Variants in NEFH observed in about 807,000 individuals in gnomAD.
NEFH encodes the protein neurofilament heavy chain.
A neutral mutation model predicts 56.6 loss-of-function variants in NEFH; 58 were observed. That is an observed-to-expected ratio of 1.03 (90% CI 0.83 to 1.28). The LOEUF is 1.28. Among genes scored for constraint, NEFH ranks in the 50% most tolerant of loss-of-function variants. The pLI is 0.00. For missense variants in NEFH, 1,221 were observed against 1,307.6 expected (o/e 0.93, Z 1.02); for synonymous variants, 542 against 545.8 (o/e 0.99, Z 0.10).
chr22:29,487,969 A>C (rs80091782), intron 3 of NEFH, among the ~76,000 whole-genome samples: 378 of 152,274 alleles, frequency 2.5e-3, no homozygotes, highest in African/African-American at 8.8e-3. Flanking sequence ...TGCGGCCTCT[A>C]CCCTATTCCT....
Position 29,490,383 on chromosome 22 carries a change from G to A in NEFH, c.2743G>A (p.Glu915Lys). The A allele has an allele frequency of 6.2e-7, 1 of 1,613,246 alleles. No individual in the cohort carries two copies. The highest frequency in any genetic ancestry group is 1.1e-5 in the South Asian group (1 of 91,004). ...AGAGAAGGAGGCTCCTGCCAAGGTGGAGGTGAAGGAAGACGCTAAACCCAA... is the reference window on the plus strand; with the variant it reads ...AGAGAAGGAGGCTCCTGCCAAGGTGAAGGTGAAGGAAGACGCTAAACCCAA... Reference protein sequence around the residue: ...TPEKEAPAKVEVKEDAKPKEK... With the variant: ...TPEKEAPAKVKVKEDAKPKEK... Residue 915 changes from glutamate (E) to lysine (K), a missense_variant, in exon 4 of 4, where the codon GAG becomes AAG. Transcript: ENST00000310624.
chr22:29,480,286 C>T lies in NEFH; in HGVS notation c.24C>T (p.Asp8=), dbSNP rs2062994799. Residue 8 remains aspartate, a synonymous_variant, in exon 1 of 4, where the codon GAC becomes GAT. Transcript: ENST00000310624. ...CCATGATGAGCTTCGGCGGCGCGGA[C>T]GCGCTGCTGGGCGCCCCGTTCGCGC... is the stretch of plus-strand genomic sequence containing the variant. MMSFGGA[D]ALLGAPFAPL... is the part of the protein sequence containing the mutation. 4 of 1,509,298 alleles carry T rather than the reference C, an allele frequency of 2.7e-6. No homozygotes were observed. The highest frequency in any genetic ancestry group is 3.5e-6 in the Non-Finnish European group (4 of 1,137,870). The allele number at this position is 1,509,298 out of a possible 1,614,324, so 93.5% of individuals were successfully genotyped here.
intron 3 of NEFH, among the ~76,000 whole-genome samples, chr22:29,488,476 T>C (rs1039542635): frequency 3.3e-5 from 5 of 152,318 alleles, no homozygotes; most frequent in Non-Finnish European, 5.9e-5. Context: ...ATTTAACTTT[T>C]GTTAAATTTA....
intron 2 of NEFH, among the ~76,000 whole-genome samples, chr22:29,483,901 GTGCAGTGGCATGATCTCAGCTCAC>G (rs2063028739): frequency 6.6e-6 from 1 of 151,156 alleles, no homozygotes; most frequent in Admixed American, 6.6e-5. Context: ...CCAGGCTGGA[GTGCAGTGGCATGATCTCAGCTCAC>G]TGCAACCTCT....
chr22:29,490,997 GC>G lies in NEFH; in HGVS notation c.*300del, dbSNP rs1198904380. 5.6e-5 allele frequency: 28 copies of G among 499,222 alleles called. 1 individual carries two copies. Among genetic ancestry groups the G allele is most frequent in the South Asian group, 5.6e-4 (27 of 48,280 alleles). The allele number at this position is 499,222 out of a possible 1,614,324, so 30.9% of individuals were successfully genotyped here. A position where few individuals can be genotyped will look rare whatever the true frequency, so the allele number is the denominator to read the frequency against. On this transcript the variant is annotated 3_prime_UTR_variant, in exon 4 of 4. Coordinates refer to ENST00000310624, the MANE Select transcript of NEFH (RefSeq NM_021076.4). ...ACGTAAACACTTGACTATAAAAACT[GC>G]CCCCCTCCTTTCCAAATAAGTGCAT...
chr22:29,481,198 A>G, intron 1 of NEFH, 53 bp downstream of exon 1: 4 of 1,512,450 alleles, frequency 2.6e-6, no homozygotes, highest in Non-Finnish European at 3.5e-6. Context: ...CCCGCAGCGA[A>G]CTTTTGGGCT....
At chr22:29,485,198 G>T (rs182005210) in intron 2 of NEFH, among the ~76,000 whole-genome samples, 6 of 152,234 alleles carry the variant, frequency 3.9e-5, no homozygotes, top group Admixed American at 2.0e-4. Context: ...CGACTCCTGG[G>T]TTCAAGCAAT....
Position 29,480,613 on chromosome 22 carries a change from G to T in NEFH, c.351G>T (p.Gln117His). The change falls in exon 1 of 4, where the codon CAG becomes CAT. Residue 117 changes from glutamine (Q) to histidine (H), a missense_variant. Around this residue, in one of 4 missense-constraint regions of NEFH, gnomAD observed 640 missense variants for 555.5 expected, o/e 1.15. Coordinates refer to ENST00000310624, the MANE Select transcript of NEFH (RefSeq NM_021076.4). ...CCGGGTACATCGACAAGGTGCGGCA[G>T]CTGGAGGCGCACAACCGCAGCCTGG... ...RFAGYIDKVR[Q>H]LEAHNRSLEG... 1.3e-6 allele frequency: 2 copies of T among 1,563,900 alleles called. No individual in the cohort carries two copies. Among genetic ancestry groups the T allele is most frequent in the South Asian group, 1.2e-5 (1 of 86,300 alleles).
Position 29,483,447 on chromosome 22 carries a change from C to T in NEFH, c.956C>T (p.Thr319Ile). 6.2e-7 allele frequency: 1 copy of T among 1,614,042 alleles called. No individual in the cohort carries two copies. Among genetic ancestry groups the T allele is most frequent in the Non-Finnish European group, 8.5e-7 (1 of 1,180,036 alleles). The stretch of plus-strand genomic sequence containing the variant: ...ATGCGCTCAGCGCAGGAGGAGATAA[C>T]TGAGTACCGGCGTCAGCTGCAGGCC... ...DAMRSAQEEI[T>I]EYRRQLQART... Residue 319 changes from threonine (T) to isoleucine (I), a missense_variant, in exon 2 of 4, where the codon ACT becomes ATT. Transcript: ENST00000310624.
intron 3 of NEFH, among the ~76,000 whole-genome samples, chr22:29,487,256 T>C (rs2063049801): frequency 6.6e-6 from 1 of 152,158 alleles, no homozygotes; most frequent in South Asian, 2.1e-4. Flanking sequence ...TTCCTACCTC[T>C]TGGCTCTCGT....
In NEFH at chr22:29,485,712, C is replaced by T; in HGVS notation, c.1084-11C>T. On this transcript the variant is annotated splice_polypyrimidine_tract_variant and intron_variant, in intron 2 of 3. Coordinates refer to ENST00000310624, the MANE Select transcript of NEFH (RefSeq NM_021076.4). ...GGCTGGCATGTGATGTGTGTCACCT[C>T]TCCTTCCCAGGAAGCCATTCAGCAG... 1 of 1,613,276 alleles carries T rather than the reference C, an allele frequency of 6.2e-7. No individual in the cohort carries two copies. The highest frequency in any genetic ancestry group is 8.5e-7 in the Non-Finnish European group (1 of 1,179,642).
chr22:29,485,627 G>A (rs1321385384), intron 2 of NEFH, 96 bp from the exon 3 acceptor site: 4 of 1,486,650 alleles, frequency 2.7e-6, no homozygotes, highest in Non-Finnish European at 3.6e-6. Context: ...CTGGCTGGAT[G>A]GGCCTGCTCT....
chr22:29,490,740 A>G lies in NEFH; in HGVS notation c.*37A>G. 3 of 1,613,260 alleles carry G rather than the reference A, an allele frequency of 1.9e-6. No individual in the cohort carries two copies. The highest frequency in any genetic ancestry group is 2.5e-6 in the Non-Finnish European group (3 of 1,179,808). ...AGGAACATCCGGAACAGCCAAAGAA[A>G]CTCAGAAGAGTCCCGGAGCTCAAGG... On this transcript the variant is annotated 3_prime_UTR_variant, in exon 4 of 4. Transcript: ENST00000310624.
At position 29,483,319 on chromosome 22, in the gene NEFH, C is replaced by T. The variant is rs1019810165; in HGVS notation, c.884-56C>T. 37 of 1,479,962 alleles carry T rather than the reference C, an allele frequency of 2.5e-5. 1 individual carries two copies. In the Middle Eastern group the frequency reaches 6.9e-4, roughly 28 times the overall value. The allele number at this position is 1,479,962 out of a possible 1,614,324, so 91.7% of individuals were successfully genotyped here. On this transcript the variant is annotated intron_variant, in intron 1 of 3. Coordinates refer to ENST00000310624, the MANE Select transcript of NEFH (RefSeq NM_021076.4). ...AAAAGAACAAAGAAAAAAATCTGGG[C>T]ATTAGAACCCAGTCCAGGTGTGTCT... is the stretch of plus-strand genomic sequence containing the variant.
At position 29,489,199 on chromosome 22, in the gene NEFH, T is replaced by G; in HGVS notation, c.1559T>G (p.Val520Gly). The change falls in exon 4 of 4, where the codon GTA becomes GGA. Residue 520 changes from valine (V) to glycine (G), a missense_variant. Val to Gly is a moderately radical substitution (Grantham distance 109, BLOSUM62 -3). This residue lies in a region of NEFH where 243 missense variants were observed against 299.1 expected (regional missense o/e 0.81). Transcript: ENST00000310624. ...CCAGAGAAGGAAGCCAAGTCACCAGTAAAGGAAGAGGCAAAGTCACCGGCT... is the reference window on the plus strand; with the variant it reads ...CCAGAGAAGGAAGCCAAGTCACCAGGAAAGGAAGAGGCAAAGTCACCGGCT... ...ASPEKEAKSP[V>G]KEEAKSPAEA... 1 of 1,613,610 alleles carries G rather than the reference T, an allele frequency of 6.2e-7. No homozygotes were observed. Among genetic ancestry groups the G allele is most frequent in the Non-Finnish European group, 8.5e-7 (1 of 1,179,870 alleles).
intron 2 of NEFH, among the ~76,000 whole-genome samples, 186 bp downstream of exon 2, chr22:29,483,760 C>T (rs2063027036): frequency 7.5e-6 from 1 of 132,900 alleles, no homozygotes; most frequent in Admixed American, 7.5e-5. Context: ...GAGTTCCTTT[C>T]CAGCCATGAA....
rs1462989280 is a variant in NEFH, at chr22:29,490,038, A to T, written c.2398A>T (p.Lys800Ter). Residue 800 changes from lysine (K) to a stop codon, truncating the protein, a stop_gained, in exon 4 of 4, where the codon AAA (lysine) becomes TAA (stop). Coordinates refer to ENST00000310624, the MANE Select transcript of NEFH (RefSeq NM_021076.4). LOFTEE classifies it high-confidence loss of function. Reference sequence around the variant, plus strand: ...GGAGGTCAAGTCCCCAGAGAAGGCGAAATCTCCCCTGAAGGAGGATGCCAA... The same window carrying T: ...GGAGGTCAAGTCCCCAGAGAAGGCGTAATCTCCCCTGAAGGAGGATGCCAA... ...KEEVKSPEKA[K>*]SPLKEDAKAP... 1.2e-6 allele frequency: 2 copies of T among 1,613,858 alleles called. No homozygotes were observed. The highest frequency in any genetic ancestry group is 2.7e-5 in the African/African-American group (2 of 74,952).
At position 29,480,673 on chromosome 22, in the gene NEFH, G is replaced by A. The variant is rs1192029109; in HGVS notation, c.411G>A (p.Ala137=). 6.5e-7 allele frequency: 1 copy of A among 1,545,738 alleles called. No individual in the cohort carries two copies. Among genetic ancestry groups the A allele is most frequent in the Non-Finnish European group, 8.7e-7 (1 of 1,154,210 alleles). Residue 137 remains alanine (A), a synonymous_variant, in exon 1 of 4, where the codon GCG becomes GCA. Transcript: ENST00000310624. ...GEAAALRQQQ[A]GRSAMGELYE... ...CTGCGGCGCTGCGGCAGCAGCAGGC[G>A]GGCCGCTCCGCTATGGGCGAGCTGT... is the stretch of plus-strand genomic sequence containing the variant.
rs368599359 is a variant in NEFH, at chr22:29,485,633, G to A, written c.1084-90G>A. The A allele has an allele frequency of 8.4e-4, 1,279 of 1,516,854 alleles. 24 individuals are homozygous for A. The South Asian group carries it at 0.014, about 17-fold the overall frequency. 94.0% of individuals were successfully genotyped at this position (1,516,854 alleles called of 1,614,324 possible). A position where few individuals can be genotyped will look rare whatever the true frequency, so the allele number is the denominator to read the frequency against. ...CCAGTGAGCCTGGCTGGATGGGCCTGCTCTGGGGTCGCACAGCCCGCCGCA... is the reference window on the plus strand; with the variant it reads ...CCAGTGAGCCTGGCTGGATGGGCCTACTCTGGGGTCGCACAGCCCGCCGCA... On this transcript the variant is annotated intron_variant, in intron 2 of 3. Transcript: ENST00000310624.
Sources: gnomAD v4.1 joint callset for allele counts (sites outside exome capture counted in the v4.1 genomes callset) on GRCh38, gnomAD v4.1.1 for gene constraint, gnomAD v4.1.1 regional missense constraint, MANE v1.5 for transcripts, NCBI Gene and HGNC (gene_info 2026-07-23, HGNC 2026-07-21) for gene names.